The following CNNM2 variants were observed in gnomAD, a reference collection of about 807,000 sequenced individuals.
CNNM2 encodes cyclin and CBS domain divalent metal cation transport mediator 2, also known as metal transporter CNNM2.
Under a neutral mutation model 66.9 loss-of-function variants are expected in CNNM2, and 12 were observed. That is an observed-to-expected ratio of 0.18 (90% CI 0.11 to 0.29). The LOEUF is 0.29. Ranked by LOEUF, CNNM2 falls within the 10% of genes least tolerant of loss-of-function variation. The pLI, the probability that CNNM2 is intolerant of heterozygous loss-of-function variation, is 1.00. For missense variants in CNNM2, 705 were observed against 1,167.7 expected (o/e 0.60, Z 5.77); for synonymous variants, 557 against 501.8 (o/e 1.11, Z -1.47).
intron 1 of CNNM2, among the ~76,000 whole-genome samples, chr10:102,931,717 TG>T (rs1399828574): frequency 6.6e-6 from 1 of 152,162 alleles, no homozygotes; most frequent in Non-Finnish European, 1.5e-5. Context: ...CTGGATCATA[TG>T]GTAATTCTAT....
chr10:102,941,502 T>C (rs1190599352), intron 1 of CNNM2, among the ~76,000 whole-genome samples: 1 of 152,218 alleles, frequency 6.6e-6, no homozygotes, highest in Non-Finnish European at 1.5e-5. Context: ...CTTCTTTGGC[T>C]GCATCTCCTA....
At chr10:103,031,236 G>A (rs1033643033) in intron 1 of CNNM2, among the ~76,000 whole-genome samples, 1 of 152,182 alleles carries the variant, frequency 6.6e-6, no homozygotes, top group African/African-American at 2.4e-5. Context: ...AAATCGGAAA[G>A]TTTACTGTGG....
intron 1 of CNNM2, among the ~76,000 whole-genome samples, chr10:102,941,972 A>G (rs1454109804): frequency 3.3e-5 from 5 of 152,138 alleles, no homozygotes; most frequent in African/African-American, 1.2e-4. Context: ...GTACTCTTTT[A>G]TGCTACTGAT....
intron 4 of CNNM2, among the ~76,000 whole-genome samples, chr10:103,064,490 G>A (rs1333595497): frequency 3.3e-5 from 5 of 152,266 alleles, no homozygotes; most frequent in Non-Finnish European, 7.4e-5. Context: ...AGCCTCCCCA[G>A]TAACTGGGAT....
At chr10:102,937,522 A>G (rs988051839) in intron 1 of CNNM2, among the ~76,000 whole-genome samples, 1 of 152,192 alleles carries the variant, frequency 6.6e-6, no homozygotes, top group African/African-American at 2.4e-5. Flanking sequence ...ATCACTGTAA[A>G]TCTAGTCTTG....
intron 3 of CNNM2, 30 bp from the exon 4 acceptor site, chr10:103,056,765 T>C (rs1430051065): frequency 6.2e-7 from 1 of 1,600,536 alleles, no homozygotes; most frequent in African/African-American, 1.3e-5. Context: ...CTGTTTGAAA[T>C]GTAATATCAA....
chr10:103,019,264 G>A (rs1312753238), intron 1 of CNNM2, among the ~76,000 whole-genome samples: 2 of 142,376 alleles, frequency 1.4e-5, no homozygotes, highest in African/African-American at 5.3e-5. Flanking sequence ...GTGAGACCCT[G>A]TCTCAAAAAA....
intron 1 of CNNM2, among the ~76,000 whole-genome samples, chr10:102,946,745 C>T (rs886261165): frequency 1.3e-5 from 2 of 152,142 alleles, no homozygotes; most frequent in East Asian, 3.8e-4. Flanking sequence ...AGTTACTTCA[C>T]TATTTTGATT....
Position 103,085,183 on chromosome 10 carries a change from T to C in CNNM2, c.*8003T>C, listed in dbSNP as rs2065792871. The C allele has an allele frequency of 6.6e-6, 1 of 152,230 alleles. No homozygotes were observed. The highest frequency in any genetic ancestry group is 2.4e-5 in the African/African-American group (1 of 41,462). The allele number at this position is 152,230 out of a possible 1,614,324, so 9.4% of individuals were successfully genotyped here. ...CTTTTCCTGTCAGGGTATTAGTGAC[T>C]GTGCAGTGTTCAAACAGGAGGCCAA... is the stretch of plus-strand genomic sequence containing the variant. On this transcript the variant is annotated 3_prime_UTR_variant, in exon 8 of 8. Coordinates refer to ENST00000369878, the MANE Select transcript of CNNM2 (RefSeq NM_017649.5).
At chr10:102,937,018 C>T (rs1846263597) in intron 1 of CNNM2, among the ~76,000 whole-genome samples, 1 of 152,088 alleles carries the variant, frequency 6.6e-6, no homozygotes, top group Non-Finnish European at 1.5e-5. Flanking sequence ...CATTGTGATT[C>T]TTACTGTTTG....
chr10:103,035,648 C>T (rs1391935363), intron 1 of CNNM2, among the ~76,000 whole-genome samples: 4 of 152,146 alleles, frequency 2.6e-5, no homozygotes, highest in Non-Finnish European at 5.9e-5. Flanking sequence ...TATTAATTGC[C>T]TCACTTTGGG....
chr10:103,060,971 G>A (rs2065375991), intron 4 of CNNM2, among the ~76,000 whole-genome samples: 1 of 152,152 alleles, frequency 6.6e-6, no homozygotes. Flanking sequence ...ATTAAATAAT[G>A]TAAATACCAT....
intron 1 of CNNM2, among the ~76,000 whole-genome samples, chr10:103,037,961 T>G (rs1380685207): frequency 6.6e-6 from 1 of 152,140 alleles, no homozygotes; most frequent in African/African-American, 2.4e-5. Flanking sequence ...TGCCTCATCC[T>G]CCCAAGCAGC....
chr10:103,073,824 T>C (rs913136130), intron 6 of CNNM2, among the ~76,000 whole-genome samples: 4 of 126,926 alleles, frequency 3.2e-5, no homozygotes, highest in African/African-American at 1.2e-4. Context: ...ATTCCGCCAC[T>C]GCAGTCCGCA....
chr10:102,986,814 C>G (rs1346533101), intron 1 of CNNM2, among the ~76,000 whole-genome samples: 1 of 150,182 alleles, frequency 6.7e-6, no homozygotes, highest in Admixed American at 6.7e-5. Context: ...TCCTCCAGAT[C>G]GTAGAATTAT....
At chr10:103,045,940 C>T (rs955416145) in intron 1 of CNNM2, among the ~76,000 whole-genome samples, 1 of 152,224 alleles carries the variant, frequency 6.6e-6, no homozygotes, top group Non-Finnish European at 1.5e-5. Flanking sequence ...CCATTGTGCC[C>T]TGCCTGAGGT....
intron 1 of CNNM2, among the ~76,000 whole-genome samples, chr10:102,974,280 A>G (rs904638073): frequency 6.6e-6 from 1 of 152,228 alleles, no homozygotes; most frequent in East Asian, 1.9e-4. Context: ...AAGATGGGGC[A>G]TGTACATGTC....
chr10:103,045,171 G>A (rs149270741), intron 1 of CNNM2, among the ~76,000 whole-genome samples: 89 of 152,332 alleles, frequency 5.8e-4, no homozygotes, highest in African/African-American at 2.1e-3. Context: ...GAAAGCAGAT[G>A]TGAGAAACCT....
intron 3 of CNNM2, among the ~76,000 whole-genome samples, chr10:103,055,884 T>C (rs981254889): frequency 6.6e-6 from 1 of 152,194 alleles, no homozygotes; most frequent in Non-Finnish European, 1.5e-5. Context: ...GGCTGATTGC[T>C]TGAGACCAGT....
Sources: allele counts gnomAD v4.1 joint callset (sites outside exome capture counted in the v4.1 genomes callset), GRCh38; gene constraint gnomAD v4.1.1; transcripts MANE v1.5; gene names NCBI Gene and HGNC (gene_info 2026-07-23, HGNC 2026-07-21).